Variants in ZNF892 observed in about 807,000 individuals in gnomAD.
ZNF892 encodes zinc finger protein 892.
the ZNF892 span, among the ~76,000 whole-genome samples, chr2:95,238,337 G>C: frequency 6.6e-6 from 1 of 152,148 alleles, no homozygotes; most frequent in Admixed American, 6.5e-5. Flanking sequence ...TCTATAAATG[G>C]AACAACAAAG....
chr2:95,237,542 GAAATTAGGCC>G, the ZNF892 span, among the ~76,000 whole-genome samples: 1 of 152,114 alleles, frequency 6.6e-6, no homozygotes, highest in African/African-American at 2.4e-5. Context: ...CAACAGTATT[GAAATTAGGCC>G]AATCAATAAC....
At chr2:95,240,855 C>G in the ZNF892 span, among the ~76,000 whole-genome samples, 1 of 152,182 alleles carries the variant, frequency 6.6e-6, no homozygotes, top group Non-Finnish European at 1.5e-5. Flanking sequence ...AGGAAGTGTC[C>G]CCCACAATGC....
At chr2:95,217,855 CT>C in the ZNF892 span, among the ~76,000 whole-genome samples, 5 of 152,162 alleles carry the variant, frequency 3.3e-5, no homozygotes, top group African/African-American at 1.2e-4. Context: ...CAGTTGGAGG[CT>C]TTCTGTTCTG....
At chr2:95,222,712 TTTA>T in the ZNF892 span, among the ~76,000 whole-genome samples, 1 of 152,356 alleles carries the variant, frequency 6.6e-6, no homozygotes, top group Non-Finnish European at 1.5e-5. Flanking sequence ...GGCTTGTCTT[TTTA>T]TTCTCTTTTA....
At chr2:95,224,478 A>G in the ZNF892 span, among the ~76,000 whole-genome samples, 2 of 152,258 alleles carry the variant, frequency 1.3e-5, no homozygotes, top group South Asian at 2.1e-4. Flanking sequence ...GGAGCTTACA[A>G]TCATGGGGGA....
the ZNF892 span, among the ~76,000 whole-genome samples, chr2:95,251,584 T>G: frequency 5.9e-5 from 9 of 152,196 alleles, no homozygotes; most frequent in African/African-American, 2.2e-4. Flanking sequence ...ACCCTCATTG[T>G]TAACAAGGCA....
chr2:95,219,573 A>G, the ZNF892 span, among the ~76,000 whole-genome samples: 7 of 152,156 alleles, frequency 4.6e-5, no homozygotes, highest in African/African-American at 1.7e-4. Flanking sequence ...CAGTGTTGAC[A>G]TCTTTGGGTT....
the ZNF892 span, chr2:95,207,462 G>A: frequency 3.8e-5 from 8 of 208,110 alleles, no homozygotes. Context: ...GGTCCTCTGG[G>A]AAGCGGTGTT....
chr2:95,222,742 G>T, the ZNF892 span, among the ~76,000 whole-genome samples: 1 of 152,018 alleles, frequency 6.6e-6, no homozygotes, highest in Non-Finnish European at 1.5e-5. Context: ...TTTTATTTCA[G>T]TGTCTTTTAT....
At chr2:95,219,666 T>C in the ZNF892 span, among the ~76,000 whole-genome samples, 1 of 152,208 alleles carries the variant, frequency 6.6e-6, no homozygotes, top group Admixed American at 6.5e-5. Context: ...TTGAGTATTT[T>C]GGTATGAGAT....
the ZNF892 span, among the ~76,000 whole-genome samples, chr2:95,229,319 A>G: frequency 2.0e-5 from 3 of 152,186 alleles, no homozygotes; most frequent in Non-Finnish European, 2.9e-5. Context: ...ATAGATCTTC[A>G]GTATATGCTT....
the ZNF892 span, among the ~76,000 whole-genome samples, chr2:95,245,692 C>T: frequency 2.6e-5 from 4 of 151,774 alleles, no homozygotes; most frequent in Admixed American, 2.6e-4. Flanking sequence ...GATATCTTCA[C>T]TGACCTTAAA....
At chr2:95,222,238 T>A in the ZNF892 span, among the ~76,000 whole-genome samples, 1 of 152,230 alleles carries the variant, frequency 6.6e-6, no homozygotes, top group Non-Finnish European at 1.5e-5. Flanking sequence ...TCTTAGCCAT[T>A]AACCCACTGA....
chr2:95,223,771 A>G, the ZNF892 span, among the ~76,000 whole-genome samples: 1 of 152,326 alleles, frequency 6.6e-6, no homozygotes, highest in African/African-American at 2.4e-5. Flanking sequence ...CAGTGCACAG[A>G]GTTGTATGAC....
At chr2:95,208,763 C>G in the ZNF892 span, 1 of 398,652 alleles carries the variant, frequency 2.5e-6, no homozygotes, top group Non-Finnish European at 4.4e-6. Flanking sequence ...TCTTTCTTTT[C>G]CTTCTGTTCT....
chr2:95,215,314 G>A, the ZNF892 span: 1 of 469,698 alleles, frequency 2.1e-6, no homozygotes, highest in Non-Finnish European at 3.8e-6. Context: ...AAAGCCTTCA[G>A]TGACCGCTCA....
the ZNF892 span, among the ~76,000 whole-genome samples, chr2:95,247,134 A>G: frequency 6.6e-6 from 1 of 152,246 alleles, no homozygotes; most frequent in Non-Finnish European, 1.5e-5. Flanking sequence ...TAACCAAAAC[A>G]GTATGATACT....
the ZNF892 span, among the ~76,000 whole-genome samples, chr2:95,213,764 T>C: frequency 6.6e-6 from 1 of 152,208 alleles, no homozygotes; most frequent in Non-Finnish European, 1.5e-5. Context: ...TTGTGTCTTA[T>C]CTTGAGACAG....
the ZNF892 span, chr2:95,207,928 A>G: frequency 5.0e-6 from 2 of 398,204 alleles, no homozygotes; most frequent in Admixed American, 4.4e-5. Context: ...AGGAAGGAGT[A>G]GCGTCACGAG....
Sources: gnomAD v4.1 joint callset for allele counts (sites outside exome capture counted in the v4.1 genomes callset) on GRCh38, gnomAD v4.1.1 for gene constraint, MANE v1.5 for transcripts, NCBI Gene and HGNC (gene_info 2026-07-23, HGNC 2026-07-21) for gene names.